Variants in ALKBH8 observed in about 807,000 individuals in gnomAD.
The protein encoded by ALKBH8 is alkB homolog 8, tRNA methyltransferase.
Under a neutral mutation model 59.8 loss-of-function variants are expected in ALKBH8, and 36 were observed. The ratio of observed to expected loss-of-function variants is 0.60; its 90% CI spans 0.46 to 0.79. The LOEUF is 0.79. Ranked by LOEUF, ALKBH8 falls within the 30% of genes least tolerant of loss-of-function variation. The probability of loss-of-function intolerance (pLI) is 0.00; values close to 1 mark genes in which losing one functional copy is unlikely to be tolerated. For synonymous variants in ALKBH8, 276 were observed against 273.6 expected (o/e 1.01, Z -0.09); for missense variants, 768 against 801.0 (o/e 0.96, Z 0.50).
At chr11:107,534,375 C>T (rs528634209) in intron 7 of ALKBH8, among the ~76,000 whole-genome samples, 2 of 152,218 alleles carry the variant, frequency 1.3e-5, no homozygotes, top group East Asian at 3.9e-4. Flanking sequence ...TTCTAGAAGA[C>T]TAGACTCTAA....
chr11:107,562,641 A>G (rs914240636), intron 1 of ALKBH8: 4 of 152,370 alleles, frequency 2.6e-5, no homozygotes, highest in African/African-American at 9.6e-5. Flanking sequence ...TATAGAAGAC[A>G]AATGCCAAGT....
chr11:107,509,578 AACG>A (rs1039802803), intron 11 of ALKBH8, among the ~76,000 whole-genome samples: 2 of 145,420 alleles, frequency 1.4e-5, no homozygotes, highest in African/African-American at 5.7e-5. Context: ...TGCCAAATAC[AACG>A]TCATGAAGGT....
chr11:107,521,950 G>A (rs905902386), intron 10 of ALKBH8, among the ~76,000 whole-genome samples: 1 of 152,086 alleles, frequency 6.6e-6, no homozygotes, highest in African/African-American at 2.4e-5. Flanking sequence ...AAAGATGGAT[G>A]AAAATATCAG....
In ALKBH8 at chr11:107,532,386, G is replaced by A. The variant is rs372479672; in HGVS notation, c.792C>T (p.His264=). 1.2e-6 allele frequency: 2 copies of A among 1,613,356 alleles called. No individual in the cohort carries two copies. Among genetic ancestry groups the A allele is most frequent in the Non-Finnish European group, 1.7e-6 (2 of 1,179,548 alleles). The change falls in exon 8 of 12, where the codon CAC becomes CAT. Residue 264 remains histidine, a synonymous_variant. Coordinates refer to ENST00000428149, the MANE Select transcript of ALKBH8 (RefSeq NM_138775.3). ...LGSEIVMDFK[H]PDGIAVPVML... ...TAACTGGCACTGCAATGCCATCTGG[G>A]TGCTTAAAATCCATGACAATCTTGA...
At chr11:107,541,656 T>C (rs1331244709) in intron 7 of ALKBH8, among the ~76,000 whole-genome samples, 1 of 152,172 alleles carries the variant, frequency 6.6e-6, no homozygotes, top group African/African-American at 2.4e-5. Context: ...TCTAGCTAAA[T>C]AACAAAATCA....
intron 2 of ALKBH8, 147 bp downstream of exon 2, chr11:107,560,614 AAGTT>A (rs1396449908): frequency 1.5e-6 from 1 of 658,348 alleles, no homozygotes. Flanking sequence ...CCAAAATAGA[AAGTT>A]AGCAGTTCAT....
chr11:107,551,744 A>G (rs1864507752), intron 6 of ALKBH8, 64 bp downstream of exon 6: 2 of 682,926 alleles, frequency 2.9e-6, no homozygotes. Flanking sequence ...CTGCCCTTAG[A>G]GAATTATATC....
intron 7 of ALKBH8, among the ~76,000 whole-genome samples, chr11:107,538,281 T>C (rs1863905616): frequency 1.3e-5 from 2 of 152,126 alleles, no homozygotes. Context: ...CCTATGAAAA[T>C]TACATTTTTC....
At chr11:107,505,255 G>T in intron 11 of ALKBH8, 40 bp from the exon 12 acceptor site, 1 of 1,441,786 alleles carries the variant, frequency 6.9e-7, no homozygotes. Context: ...ACCTGGAAGA[G>T]ACAGGAAATC....
chr11:107,564,078 T>C (rs1865040436), intron 1 of ALKBH8, among the ~76,000 whole-genome samples: 1 of 152,172 alleles, frequency 6.6e-6, no homozygotes, highest in Admixed American at 6.5e-5. Context: ...CACAGATACT[T>C]GGATGCTCCC....
At chr11:107,544,697 C>G (rs935836833) in intron 7 of ALKBH8, among the ~76,000 whole-genome samples, 3 of 151,916 alleles carry the variant, frequency 2.0e-5, no homozygotes, top group Non-Finnish European at 4.4e-5. Flanking sequence ...GGCCCAATGC[C>G]ACTTTAATTA....
At chr11:107,553,285 G>T in intron 4 of ALKBH8, 82 bp from the exon 5 acceptor site, 1 of 886,978 alleles carries the variant, frequency 1.1e-6, no homozygotes, top group Non-Finnish European at 1.7e-6. Flanking sequence ...TTTTGAGTAA[G>T]GATTAGTTTA....
At position 107,522,359 on chromosome 11, in the gene ALKBH8, T is replaced by A. The variant is rs1432706117; in HGVS notation, c.1227A>T (p.Ile409=). ...EFLKALPSGS[I]VADIGCGNGK... Reference sequence around the variant, plus strand: ...CATTACCACATCCAATATCAGCCACTATTGAACCACTTGGCAAAGCCTTCA... The same window carrying A: ...CATTACCACATCCAATATCAGCCACAATTGAACCACTTGGCAAAGCCTTCA... Residue 409 remains isoleucine (I), a synonymous_variant, in exon 10 of 12, where the codon ATA becomes ATT. Transcript: ENST00000428149. 5 of 1,551,570 alleles carry A rather than the reference T, an allele frequency of 3.2e-6. No individual in the cohort carries two copies. The highest frequency in any genetic ancestry group is 4.4e-6 in the Non-Finnish European group (5 of 1,146,994).
At chr11:107,553,279 G>T in intron 4 of ALKBH8, 76 bp from the exon 5 acceptor site, 1 of 962,254 alleles carries the variant, frequency 1.0e-6, no homozygotes, top group South Asian at 1.8e-5. Context: ...TCAACTTTTT[G>T]AGTAAGGATT....
intron 7 of ALKBH8, among the ~76,000 whole-genome samples, chr11:107,547,020 AAAAGT>A (rs1864288040): frequency 6.6e-6 from 1 of 152,200 alleles, no homozygotes; most frequent in African/African-American, 2.4e-5. Context: ...GGAAAGAGAG[AAAAGT>A]AAAGTATTAA....
chr11:107,542,257 G>A (rs1323370051), intron 7 of ALKBH8, among the ~76,000 whole-genome samples: 2 of 151,898 alleles, frequency 1.3e-5, no homozygotes, highest in Non-Finnish European at 2.9e-5. Context: ...ATCAAAATAA[G>A]CAGAATAAGC....
chr11:107,506,820 C>A (rs530575353), intron 11 of ALKBH8, among the ~76,000 whole-genome samples: 1 of 152,256 alleles, frequency 6.6e-6, no homozygotes, highest in South Asian at 2.1e-4. Flanking sequence ...AAGAAACTTA[C>A]TTCCTCTGAA....
At chr11:107,546,964 T>C (rs1236166521) in intron 7 of ALKBH8, among the ~76,000 whole-genome samples, 1 of 152,090 alleles carries the variant, frequency 6.6e-6, no homozygotes, top group African/African-American at 2.4e-5. Flanking sequence ...GGGAACACCA[T>C]GAGTTGGAAC....
intron 7 of ALKBH8, among the ~76,000 whole-genome samples, chr11:107,544,845 AC>A: frequency 6.6e-6 from 1 of 151,752 alleles, no homozygotes; most frequent in Non-Finnish European, 1.5e-5. Context: ...ACACACACAC[AC>A]ACACACACAC....
Sources: allele counts gnomAD v4.1 joint callset (sites outside exome capture counted in the v4.1 genomes callset), GRCh38; gene constraint gnomAD v4.1.1; transcripts MANE v1.5; gene names NCBI Gene and HGNC (gene_info 2026-07-23, HGNC 2026-07-21).